The following ALG9 variants were observed in gnomAD, a reference collection of about 807,000 sequenced individuals.
The protein encoded by ALG9 is alpha-1,2-mannosyltransferase ALG9.
ALG9 carries 55 observed loss-of-function variants against 81.8 expected under a neutral mutation model. That is an observed-to-expected ratio of 0.67 (90% CI 0.54 to 0.84). ALG9 has a LOEUF of 0.84. ALG9 is among the 40% of genes least tolerant of loss of function. The pLI, the probability that ALG9 is intolerant of heterozygous loss-of-function variation, is 0.00. For missense variants in ALG9, 629 were observed against 745.0 expected (o/e 0.84, Z 1.81); for synonymous variants, 278 against 274.3 (o/e 1.01, Z -0.13).
At chr11:111,779,218 T>A (rs1945792852), downstream of ALG9, among the ~76,000 whole-genome samples, 2 of 152,214 alleles carry the variant, frequency 1.3e-5, no homozygotes, top group South Asian at 4.1e-4. Context: ...GGTACCAGGC[T>A]GTTGAAGCAG....
chr11:111,778,531 TA>T (rs1945756374), downstream of ALG9, among the ~76,000 whole-genome samples: 1 of 151,976 alleles, frequency 6.6e-6, no homozygotes, highest in South Asian at 2.1e-4. Flanking sequence ...GACAGAGAAA[TA>T]GGTCTGTGGT....
the ALG9 span, chr11:111,768,842 C>CGCGCGTGTGTGTGTGTGTGTGTGTGT: frequency 2.8e-5 from 4 of 143,096 alleles, no homozygotes; most frequent in African/African-American, 1.1e-4. Flanking sequence ...TGTGTGTGTG[C>CGCGCGTGTGTGTGTGTGTGTGTGTGT]GTGTGTGTGT....
chr11:111,800,555 C>T (rs1948955288), intron 14 of ALG9, among the ~76,000 whole-genome samples: 1 of 151,876 alleles, frequency 6.6e-6, no homozygotes, highest in Non-Finnish European at 1.5e-5. Flanking sequence ...TCAGTAAATA[C>T]TTTCTGATCT....
intron 6 of ALG9, 143 bp downstream of exon 6, chr11:111,857,459 G>T: frequency 9.3e-7 from 1 of 1,080,008 alleles, no homozygotes; most frequent in Non-Finnish European, 1.4e-6. Context: ...TAAGTGCTAA[G>T]AGAAATATTC....
chr11:111,808,620 A>T (rs1555087723), intron 14 of ALG9, among the ~76,000 whole-genome samples: 1 of 152,088 alleles, frequency 6.6e-6, no homozygotes, highest in Non-Finnish European at 1.5e-5. Context: ...ACCTGTGCTT[A>T]CTTCGTCTTT....
rs573026506 is a variant in ALG9 at position 111,789,819 on chromosome 11, CA to C, written c.1734-3300del. Among the ~76,000 whole-genome samples, 284 of 113,116 alleles carry C rather than the reference CA, an allele frequency of 2.5e-3. 1 individual carries two copies. Among genetic ancestry groups the C allele is most frequent in the African/African-American group, 8.0e-3 (238 of 29,706 alleles). The allele number at this position is 113,116 out of a possible 152,430, so 74.2% of individuals were successfully genotyped here. Reference sequence around the variant, plus strand: ...TAGGTGACAGAGGGAGACTCTGTCTCAAAAAAAAAAAAACTTAAAAATATAG... The same window carrying C: ...TAGGTGACAGAGGGAGACTCTGTCTCAAAAAAAAAAAACTTAAAAATATAG... On this transcript the variant is annotated intron_variant, in intron 14 of 14. Coordinates refer to ENST00000616540, the MANE Select transcript of ALG9 (RefSeq NM_024740.2).
intron 2 of ALG9, 43 bp downstream of exon 2, chr11:111,870,189 G>T: frequency 6.3e-7 from 1 of 1,596,736 alleles, no homozygotes; most frequent in South Asian, 1.1e-5. Flanking sequence ...CACCTATGCT[G>T]CAAAATCAAG....
intron 14 of ALG9, among the ~76,000 whole-genome samples, chr11:111,795,817 T>C (rs146965061): frequency 8.1e-4 from 123 of 152,316 alleles, no homozygotes; most frequent in African/African-American, 2.9e-3. Context: ...AGTGAGGAAC[T>C]GGGGAAAAAT....
chr11:111,814,581 G>A (rs1555095091), intron 13 of ALG9: 3 of 152,202 alleles, frequency 2.0e-5, no homozygotes, highest in Non-Finnish European at 4.4e-5. Context: ...ACAAAAACAA[G>A]TTGGTCATCT....
intron 5 of ALG9, among the ~76,000 whole-genome samples, chr11:111,859,279 G>A (rs1271670774): frequency 1.3e-5 from 2 of 152,132 alleles, no homozygotes; most frequent in Non-Finnish European, 2.9e-5. Flanking sequence ...TGAGGCGGGT[G>A]GATCACGTGG....
At chr11:111,840,018 T>G (rs544795572) in intron 10 of ALG9, among the ~76,000 whole-genome samples, 1 of 152,332 alleles carries the variant, frequency 6.6e-6, no homozygotes, top group Admixed American at 6.5e-5. Flanking sequence ...TGGTGACAAC[T>G]GCACACATCT....
chr11:111,774,085 A>G, the ALG9 span, among the ~76,000 whole-genome samples: 17 of 150,054 alleles, frequency 1.1e-4, no homozygotes, highest in African/African-American at 4.1e-4. Context: ...AAAAAAAAAA[A>G]AAAAAAAAGC....
At chr11:111,809,002 T>G (rs781816784) in intron 14 of ALG9, among the ~76,000 whole-genome samples, 1 of 152,186 alleles carries the variant, frequency 6.6e-6, no homozygotes, top group Non-Finnish European at 1.5e-5. Context: ...AACATGAACT[T>G]CTAGTTCCTC....
At chr11:111,831,458 A>G (rs190165988) in intron 13 of ALG9, among the ~76,000 whole-genome samples, 5 of 152,248 alleles carry the variant, frequency 3.3e-5, no homozygotes, top group African/African-American at 1.2e-4. Flanking sequence ...TGATGATGAC[A>G]CTGCACTCCA....
intron 9 of ALG9, among the ~76,000 whole-genome samples, chr11:111,842,183 C>T (rs1398078641): frequency 6.6e-6 from 1 of 152,202 alleles, no homozygotes; most frequent in Non-Finnish European, 1.5e-5. Context: ...AGGCGTGAGC[C>T]ACTGTGCCTG....
chr11:111,819,733 C>A (rs138039810), intron 13 of ALG9, among the ~76,000 whole-genome samples: 51 of 152,380 alleles, frequency 3.3e-4, no homozygotes, highest in African/African-American at 1.2e-3. Context: ...TCAAATCCCT[C>A]TGTGAGCAAC....
intron 9 of ALG9, among the ~76,000 whole-genome samples, chr11:111,841,082 T>C (rs1157541051): frequency 6.6e-6 from 1 of 152,214 alleles, no homozygotes; most frequent in Non-Finnish European, 1.5e-5. Flanking sequence ...TAATGGCTAA[T>C]AGAACTTAAT....
intron 8 of ALG9, among the ~76,000 whole-genome samples, chr11:111,845,009 A>G (rs189541458): frequency 3.9e-5 from 6 of 152,358 alleles, no homozygotes; most frequent in East Asian, 1.9e-4. Context: ...CTATGCCCCA[A>G]TGGAACTAAT....
chr11:111,836,199 A>T lies in ALG9; in HGVS notation c.1568T>A (p.Met523Lys). Reference sequence around the variant, plus strand: ...TGGCTCTTCTAGATTCTGGTCATTCATGTCAGTAGGAACAATCCGGGTGGC... The same window carrying T: ...TGGCTCTTCTAGATTCTGGTCATTCTTGTCAGTAGGAACAATCCGGGTGGC... ...PLATRIVPTD[M>K]NDQNLEEPSR... The change falls in exon 13 of 15, where the codon ATG becomes AAG. Residue 523 changes from methionine to lysine, a missense_variant. Physicochemically the swap from Met to Lys is moderately conservative, Grantham distance 95. This residue lies in a region of ALG9 where 264 missense variants were observed against 302.2 expected (regional missense o/e 0.87). Transcript: ENST00000616540. The T allele has an allele frequency of 6.2e-7, 1 of 1,614,014 alleles. No individual in the cohort carries two copies. The highest frequency in any genetic ancestry group is 8.5e-7 in the Non-Finnish European group (1 of 1,179,896).
Sources: gnomAD v4.1 joint callset for allele counts (sites outside exome capture counted in the v4.1 genomes callset) on GRCh38, gnomAD v4.1.1 for gene constraint, gnomAD v4.1.1 regional missense constraint, MANE v1.5 for transcripts, NCBI Gene and HGNC (gene_info 2026-07-23, HGNC 2026-07-21) for gene names.